The following PRR32 variants were observed in gnomAD, a reference collection of about 807,000 sequenced individuals.
PRR32 encodes the protein proline-rich protein 32.
PRR32 carries 2 observed loss-of-function variants against 1.3 expected under a neutral mutation model. The ratio of observed to expected loss-of-function variants is 1.49; its 90% confidence interval spans 0.61 to 4.68. The LOEUF (loss-of-function observed/expected upper bound fraction) is 4.68. PRR32 is among the 30% of genes most tolerant of loss of function. The probability of loss-of-function intolerance (pLI) is 0.06; values close to 1 mark genes in which losing one functional copy is unlikely to be tolerated. For synonymous variants in PRR32, 107 were observed against 88.7 expected (o/e 1.21, Z -1.16); for missense variants, 241 against 232.5 (o/e 1.04, Z -0.24).
At position 126,821,363 on chromosome X, in the gene PRR32, C is replaced by A. The variant is rs746155705; in HGVS notation, c.725C>A (p.Ser242Tyr). ...SSSTPGLPSCSTVHCFIPPRP... is the reference protein window; with the variant it reads ...SSSTPGLPSCYTVHCFIPPRP... ...AGTACTCCAGGTTTACCTTCTTGCT[C>A]TACTGTTCATTGTTTCATCCCTCCT... Residue 242 changes from serine (S) to tyrosine (Y), a missense_variant, in exon 2 of 2, where the codon TCT becomes TAT. Ser to Tyr is a moderately radical substitution (Grantham distance 144). Coordinates refer to ENST00000371125, the MANE Select transcript of PRR32 (RefSeq NM_001122716.2). 19 of 1,167,010 alleles carry A rather than the reference C, an allele frequency of 1.6e-5. No homozygotes were observed. Among genetic ancestry groups the A allele is most frequent in the Non-Finnish European group, 1.1e-6 (1 of 872,949 alleles).
Position 126,821,157 on chromosome X carries a change from C to T in PRR32, c.519C>T (p.Pro173=), listed in dbSNP as rs752729420. The T allele has an allele frequency of 2.8e-5, 33 of 1,166,014 alleles. No individual in the cohort carries two copies. In the African/African-American group the frequency reaches 3.2e-4, roughly 11 times the overall value. ...ALPQGKGFFP[P]RGPQVRGPSH... is the part of the protein sequence containing the mutation. ...CACAAGGTAAAGGGTTCTTTCCACC[C>T]AGGGGCCCACAAGTGAGAGGCCCTT... The change falls in exon 2 of 2, where the codon CCC becomes CCT. Residue 173 remains proline (P), a synonymous_variant. Coordinates refer to ENST00000371125, the MANE Select transcript of PRR32 (RefSeq NM_001122716.2).
chrX:126,821,070 A>G lies in PRR32; in HGVS notation c.432A>G (p.Thr144=), dbSNP rs1930549098. 1 of 1,165,510 alleles carries G rather than the reference A, an allele frequency of 8.6e-7. No individual in the cohort carries two copies. The highest frequency in any genetic ancestry group is 2.6e-5 in the Admixed American group (1 of 38,425). Residue 144 remains threonine (T), a synonymous_variant, in exon 2 of 2, where the codon ACA becomes ACG. Coordinates refer to ENST00000371125, the MANE Select transcript of PRR32 (RefSeq NM_001122716.2). ...GGPPALIVGG[T]KVNNGGTERG... is the part of the protein sequence containing the mutation. ...CTCCTGCACTGATAGTAGGGGGCAC[A>G]AAGGTCAACAATGGGGGCACTGAGA...
At position 126,821,555 on chromosome X, in the gene PRR32, A is replaced by T. The variant is rs1014811535; in HGVS notation, c.*20A>T. ...AGCTGATGGCAAAAAGGAAGGATGA[A>T]AAAAGGGTTGTGGAAAGAGGTGAAA... is the stretch of plus-strand genomic sequence containing the variant. On this transcript the variant is annotated 3_prime_UTR_variant, in exon 2 of 2. Coordinates refer to ENST00000371125, the MANE Select transcript of PRR32 (RefSeq NM_001122716.2). 2 of 1,156,869 alleles carry T rather than the reference A, an allele frequency of 1.7e-6. No individual in the cohort carries two copies. Among genetic ancestry groups the T allele is most frequent in the African/African-American group, 3.6e-5 (2 of 55,730 alleles).
rs1226893197 is a variant in PRR32, at chrX:126,820,930, G to T, written c.292G>T (p.Ala98Ser). The change falls in exon 2 of 2, where the codon GCT becomes TCT. Residue 98 changes from alanine to serine, a missense_variant. Coordinates refer to ENST00000371125, the MANE Select transcript of PRR32 (RefSeq NM_001122716.2). ...TAGACACCCCTACGGGCCACCACCT[G>T]CTGTTGCAGAAGAGTCCCTAGCAAC... ...AHRHPYGPPP[A>S]VAEESLATAE... The T allele has an allele frequency of 3.4e-6, 4 of 1,167,707 alleles. No individual in the cohort carries two copies. Among genetic ancestry groups the T allele is most frequent in the Non-Finnish European group, 4.6e-6 (4 of 872,958 alleles).
In PRR32 at chrX:126,819,747, C is replaced by G. The variant is rs1325105910; in HGVS notation, c.-97C>G. 2.5e-6 allele frequency: 2 copies of G among 813,592 alleles called. No homozygotes were observed. The highest frequency in any genetic ancestry group is 3.9e-5 in the East Asian group (1 of 25,953). 67.0% of individuals were successfully genotyped at this position (813,592 alleles called of 1,213,427 possible). A position where few individuals can be genotyped will look rare whatever the true frequency, so the allele number is the denominator to read the frequency against. On this transcript the variant is annotated 5_prime_UTR_variant, in exon 1 of 2. Coordinates refer to ENST00000371125, the MANE Select transcript of PRR32 (RefSeq NM_001122716.2). Reference sequence around the variant, plus strand: ...TGGCTTCATTCTAGTTGCCAAGCCTCTAAAGCAGAAGCAGGAGTCATTTCT... The same window carrying G: ...TGGCTTCATTCTAGTTGCCAAGCCTGTAAAGCAGAAGCAGGAGTCATTTCT...
In PRR32 at chrX:126,821,157, C is replaced by G. The variant is rs752729420; in HGVS notation, c.519C>G (p.Pro173=). Residue 173 remains proline (P), a synonymous_variant, in exon 2 of 2, where the codon CCC becomes CCG. Transcript: ENST00000371125. ...ALPQGKGFFP[P]RGPQVRGPSH... ...CACAAGGTAAAGGGTTCTTTCCACC[C>G]AGGGGCCCACAAGTGAGAGGCCCTT... The G allele has an allele frequency of 8.6e-7, 1 of 1,165,961 alleles. No homozygotes were observed. Among genetic ancestry groups the G allele is most frequent in the Non-Finnish European group, 1.1e-6 (1 of 872,684 alleles).
Position 126,821,239 on chromosome X carries a change from C to A in PRR32, c.601C>A (p.Arg201=). ...AATGGAGGTGCCGCCCGGAAATACACGAATAGCCTGCAGAGGAAAGCTGGC... is the reference window on the plus strand; with the variant it reads ...AATGGAGGTGCCGCCCGGAAATACAAGAATAGCCTGCAGAGGAAAGCTGGC... The part of the protein sequence containing the change: ...IVMEVPPGNT[R]IACRGKLAHV... The change falls in exon 2 of 2, where the codon CGA becomes AGA. Residue 201 remains arginine (R), a synonymous_variant. Coordinates refer to ENST00000371125, the MANE Select transcript of PRR32 (RefSeq NM_001122716.2). The A allele has an allele frequency of 1.7e-6, 2 of 1,168,166 alleles. No individual in the cohort carries two copies. Among genetic ancestry groups the A allele is most frequent in the Non-Finnish European group, 2.3e-6 (2 of 873,096 alleles).
rs757960500 is a variant in PRR32 at position 126,821,493 on chromosome X, G to C, written c.855G>C (p.Gly285=). ...LPSYFAHFHS[G]GMPAPASPNR... is the part of the protein sequence containing the mutation. ...CTTATTTTGCCCATTTCCATTCTGG[G>C]GGAATGCCAGCTCCTGCATCACCCA... The change falls in exon 2 of 2, where the codon GGG becomes GGC. Residue 285 remains glycine, a synonymous_variant. Transcript: ENST00000371125. 1.5e-5 allele frequency: 18 copies of C among 1,165,936 alleles called. 1 individual carries two copies. The East Asian group carries it at 2.0e-4, about 13-fold the overall frequency.
At position 126,821,161 on chromosome X, in the gene PRR32, G is replaced by C; in HGVS notation, c.523G>C (p.Gly175Arg). The change falls in exon 2 of 2, where the codon GGC becomes CGC. Residue 175 changes from glycine to arginine, a missense_variant. Transcript: ENST00000371125. ...AGGTAAAGGGTTCTTTCCACCCAGG[G>C]GCCCACAAGTGAGAGGCCCTTCACA... ...PQGKGFFPPR[G>R]PQVRGPSHIP... 8.6e-7 allele frequency: 1 copy of C among 1,167,723 alleles called. No individual in the cohort carries two copies. Among genetic ancestry groups the C allele is most frequent in the Non-Finnish European group, 1.1e-6 (1 of 872,959 alleles).
Position 126,821,305 on chromosome X carries a change from C to A in PRR32, c.667C>A (p.His223Asn). Residue 223 changes from histidine (H) to asparagine (N), a missense_variant, in exon 2 of 2, where the codon CAT becomes AAT. By Grantham distance (68) the His-to-Asn change is moderately conservative. Coordinates refer to ENST00000371125, the MANE Select transcript of PRR32 (RefSeq NM_001122716.2). Reference sequence around the variant, plus strand: ...ACTCAGGGGCCCATGCCACCCCATGCATAATTGGCCAAGGCCTATCCCGTT... The same window carrying A: ...ACTCAGGGGCCCATGCCACCCCATGAATAATTGGCCAAGGCCTATCCCGTT... ...FPLRGPCHPM[H>N]NWPRPIPLSS... The A allele has an allele frequency of 1.7e-6, 2 of 1,168,483 alleles. No individual in the cohort carries two copies. Among genetic ancestry groups the A allele is most frequent in the Middle Eastern group, 4.6e-4 (2 of 4,305 alleles).
chrX:126,821,250 C>T lies in PRR32; in HGVS notation c.612C>T (p.Cys204=), dbSNP rs1168218609. The change falls in exon 2 of 2, where the codon TGC becomes TGT. Residue 204 remains cysteine, a synonymous_variant. Coordinates refer to ENST00000371125, the MANE Select transcript of PRR32 (RefSeq NM_001122716.2). The part of the protein sequence containing the change: ...EVPPGNTRIA[C]RGKLAHVSFP... ...CGCCCGGAAATACACGAATAGCCTG[C>T]AGAGGAAAGCTGGCTCATGTTTCTT... 28 of 1,166,678 alleles carry T rather than the reference C, an allele frequency of 2.4e-5. No individual in the cohort carries two copies. Among genetic ancestry groups the T allele is most frequent in the Non-Finnish European group, 3.2e-5 (28 of 872,856 alleles).
rs1349077808 is a variant in PRR32 at position 126,819,794 on chromosome X, A to G, written c.-50A>G. On this transcript the variant is annotated 5_prime_UTR_variant, in exon 1 of 2. Transcript: ENST00000371125. Reference sequence around the variant, plus strand: ...TTCTCCAGACCTAGCTGGCCTGTTCAGTGGGTTATCTCCACCACCTCAGGA... The same window carrying G: ...TTCTCCAGACCTAGCTGGCCTGTTCGGTGGGTTATCTCCACCACCTCAGGA... 8.7e-7 allele frequency: 1 copy of G among 1,142,917 alleles called. No homozygotes were observed. Among genetic ancestry groups the G allele is most frequent in the African/African-American group, 1.8e-5 (1 of 55,017 alleles). 94.2% of individuals were successfully genotyped at this position (1,142,917 alleles called of 1,213,427 possible). A position where few individuals can be genotyped will look rare whatever the true frequency, so the allele number is the denominator to read the frequency against.
Position 126,820,815 on chromosome X carries a change from C to CAATGTGCT in PRR32, c.178_185dup (p.Thr63MetfsTer3). On this transcript the variant is annotated frameshift_variant, in exon 2 of 2. Coordinates refer to ENST00000371125, the MANE Select transcript of PRR32 (RefSeq NM_001122716.2). LOFTEE classifies it low-confidence loss of function (END_TRUNC). ...CTCAAGTACCGCTGAGACCTTCCGT[C>CAATGTGCT]AATGTGCTGACTGATCTGGATAGCA... The CAATGTGCT allele has an allele frequency of 2.7e-5, 32 of 1,167,653 alleles. No homozygotes were observed. The highest frequency in any genetic ancestry group is 3.7e-5 in the Non-Finnish European group (32 of 872,975).
rs1323793770 is a variant in PRR32 at position 126,821,723 on chromosome X, C to T, written c.*188C>T. 1.4e-5 allele frequency: 7 copies of T among 504,234 alleles called. No homozygotes were observed. The highest frequency in any genetic ancestry group is 5.4e-4 in the Middle Eastern group (1 of 1,849). 41.6% of individuals were successfully genotyped at this position (504,234 alleles called of 1,213,427 possible). ...CTATTTGAAACCTTGTACCCTACCACACTCTGTTTAGCACAAATGTGCCCT... is the reference window on the plus strand; with the variant it reads ...CTATTTGAAACCTTGTACCCTACCATACTCTGTTTAGCACAAATGTGCCCT... On this transcript the variant is annotated 3_prime_UTR_variant, in exon 2 of 2. Transcript: ENST00000371125.
At chrX:126,820,224 C>G (rs1274981512) in intron 1 of PRR32, among the ~76,000 whole-genome samples, 1 of 111,797 alleles carries the variant, frequency 8.9e-6, no homozygotes, top group African/African-American at 3.2e-5. Flanking sequence ...ACATAACTAA[C>G]TTTTCTTTGA....
In PRR32 at chrX:126,819,759, C is replaced by A; in HGVS notation, c.-85C>A. On this transcript the variant is annotated 5_prime_UTR_variant, in exon 1 of 2. Transcript: ENST00000371125. ...AGTTGCCAAGCCTCTAAAGCAGAAG[C>A]AGGAGTCATTTCTCCAGACCTAGCT... The A allele has an allele frequency of 3.4e-6, 3 of 890,701 alleles. No individual in the cohort carries two copies. Among genetic ancestry groups the A allele is most frequent in the Non-Finnish European group, 4.7e-6 (3 of 642,885 alleles). The allele number at this position is 890,701 out of a possible 1,213,427, so 73.4% of individuals were successfully genotyped here.
intron 1 of PRR32, among the ~76,000 whole-genome samples, chrX:126,820,451 T>G (rs1018661536): frequency 9.0e-6 from 1 of 111,301 alleles, no homozygotes; most frequent in African/African-American, 3.3e-5. Context: ...CACTGAGTAG[T>G]CATGAAGGGT....
Position 126,820,610 on chromosome X carries a change from G to A in PRR32, c.21-49G>A. 5.3e-6 allele frequency: 6 copies of A among 1,126,274 alleles called. No homozygotes were observed. The South Asian group carries it at 1.1e-4, about 20-fold the overall frequency. 92.8% of individuals were successfully genotyped at this position (1,126,274 alleles called of 1,213,427 possible). On this transcript the variant is annotated intron_variant, in intron 1 of 1. Coordinates refer to ENST00000371125, the MANE Select transcript of PRR32 (RefSeq NM_001122716.2). ...AATTACATATTGTAGCTATTTTCTG[G>A]TCAGTGCATTTCCATTTTTATTAGC...
chrX:126,821,717 C>T lies in PRR32; in HGVS notation c.*182C>T. The T allele has an allele frequency of 1.9e-6, 1 of 520,243 alleles. No individual in the cohort carries two copies. Among genetic ancestry groups the T allele is most frequent in the Non-Finnish European group, 3.0e-6 (1 of 329,424 alleles). The allele number at this position is 520,243 out of a possible 1,213,427, so 42.9% of individuals were successfully genotyped here. ...TGTGCCCTATTTGAAACCTTGTACC[C>T]TACCACACTCTGTTTAGCACAAATG... On this transcript the variant is annotated 3_prime_UTR_variant, in exon 2 of 2. Transcript: ENST00000371125.
Sources: gnomAD v4.1 joint callset for allele counts (sites outside exome capture counted in the v4.1 genomes callset) on GRCh38, gnomAD v4.1.1 for gene constraint, MANE v1.5 for transcripts, NCBI Gene and HGNC (gene_info 2026-07-23, HGNC 2026-07-21) for gene names.